Variants in CUX1 observed in about 807,000 individuals in gnomAD.
The protein encoded by CUX1 is protein CASP.
In CUX1, 31 loss-of-function variants were observed where a neutral mutation model predicts 158.8. That is an observed-to-expected ratio of 0.20 (90% CI 0.15 to 0.26). The LOEUF is 0.26. Among genes scored for constraint, CUX1 ranks in the 10% least tolerant of loss-of-function variants. CUX1 has a pLI of 1.00. For missense variants in CUX1, 1,589 were observed against 2,014.6 expected (o/e 0.79, Z 4.04); for synonymous variants, 879 against 862.1 (o/e 1.02, Z -0.34).
At chr7:102,268,940 C>CT (rs34870289) in intron 14 of CUX1, among the ~76,000 whole-genome samples, 12,500 of 143,196 alleles carry the variant, frequency 0.087, 1,110 homozygotes, top group African/African-American at 0.22. Context: ...GGATTAATTA[C>CT]TTTTTTTTTT....
chr7:102,053,691 T>C (rs957382694), intron 3 of CUX1, among the ~76,000 whole-genome samples: 4 of 152,114 alleles, frequency 2.6e-5, no homozygotes, highest in African/African-American at 9.7e-5. Context: ...GAATATGAGA[T>C]GTTTGTCTTT....
intron 1 of CUX1, among the ~76,000 whole-genome samples, chr7:101,878,818 G>A (rs1488295109): frequency 2.6e-5 from 4 of 151,700 alleles, no homozygotes; most frequent in African/African-American, 4.8e-5. Context: ...GATTACAGGC[G>A]CGCACCACCA....
intron 3 of CUX1, among the ~76,000 whole-genome samples, chr7:102,034,275 C>A (rs149788379): frequency 6.6e-6 from 1 of 150,436 alleles, no homozygotes; most frequent in Admixed American, 6.7e-5. Context: ...TTAAAATGTT[C>A]AAAACTTATT....
rs547506149 is a variant in CUX1, at chr7:102,215,229, CT to C, written c.3130+10088del. On this transcript the variant is annotated intron_variant, in intron 20 of 23. Transcript: ENST00000292535. ...AAGAGCATGGCAATGGTTACTCCAA[CT>C]TTTTTTTTTTTTTTTTTTTTTTTTT... 2.7e-3 allele frequency among the ~76,000 whole-genome samples: 251 copies of C among 92,756 alleles called. 1 individual carries two copies. The highest frequency in any genetic ancestry group is 0.01 in the African/African-American group (243 of 23,428). The allele number at this position is 92,756 out of a possible 152,430, so 60.9% of individuals were successfully genotyped here.
At chr7:102,029,620 C>A (rs1820472547) in intron 3 of CUX1, among the ~76,000 whole-genome samples, 1 of 152,176 alleles carries the variant, frequency 6.6e-6, no homozygotes. Context: ...GAAGACACAG[C>A]AGTTGGTGAT....
intron 2 of CUX1, among the ~76,000 whole-genome samples, chr7:101,982,508 C>A (rs2129218681): frequency 6.6e-6 from 1 of 152,208 alleles, no homozygotes; most frequent in East Asian, 1.9e-4. Context: ...CTTACTGCAA[C>A]CTCTGCCTCC....
At chr7:101,972,873 G>A (rs1812145627) in intron 2 of CUX1, among the ~76,000 whole-genome samples, 1 of 152,182 alleles carries the variant, frequency 6.6e-6, no homozygotes, top group Non-Finnish European at 1.5e-5. Flanking sequence ...GTTGCACCCT[G>A]ATGCCTGTGA....
At chr7:102,110,162 T>C (rs782303099) in intron 6 of CUX1, among the ~76,000 whole-genome samples, 10 of 152,222 alleles carry the variant, frequency 6.6e-5, no homozygotes, top group Non-Finnish European at 1.2e-4. Context: ...CTATTTCATA[T>C]TCATATTACA....
rs1359736127 is a variant in CUX1 at position 101,979,748 on chromosome 7, C to T, written c.142-48350C>T. Among the ~76,000 whole-genome samples the T allele has an allele frequency of 3.3e-5, 5 of 152,118 alleles. No individual in the cohort carries two copies. The East Asian group carries it at 5.8e-4, about 18-fold the overall frequency. ...CACTGCAACCTCCACCTCCTGAGTT[C>T]AAGCAATTCTCATGCCTCAGCCTCC... On this transcript the variant is annotated intron_variant, in intron 2 of 23. Transcript: ENST00000292535.
chr7:102,065,540 GA>G (rs1354861908), intron 3 of CUX1, among the ~76,000 whole-genome samples: 2 of 152,198 alleles, frequency 1.3e-5, no homozygotes, highest in South Asian at 4.1e-4. Context: ...TTATCATTTA[GA>G]AAAGGATCTT....
exon 17 of CUX1, chr7:102,275,346 A>G (rs1563527399): frequency 6.2e-7 from 1 of 1,612,698 alleles, no homozygotes; most frequent in Non-Finnish European, 8.5e-7. Context: ...GCCCGGAACC[A>G]GGAGCTTGAG....
chr7:102,079,915 A>C (rs1827171752), intron 4 of CUX1, among the ~76,000 whole-genome samples: 1 of 152,106 alleles, frequency 6.6e-6, no homozygotes, highest in African/African-American at 2.4e-5. Context: ...TGTCCCAGTT[A>C]CACTCAGGCT....
chr7:102,127,229 T>C (rs2051170119), intron 8 of CUX1, among the ~76,000 whole-genome samples: 3 of 152,184 alleles, frequency 2.0e-5, no homozygotes, highest in Admixed American at 2.0e-4. Context: ...TTTTACGAGA[T>C]AGGGTCTCAC....
At chr7:102,246,349 G>C (rs1240431395) in intron 23 of CUX1, among the ~76,000 whole-genome samples, 2 of 152,110 alleles carry the variant, frequency 1.3e-5, no homozygotes, top group Non-Finnish European at 2.9e-5. Flanking sequence ...AACTTCTGGG[G>C]GGCTTCTCAG....
intron 9 of CUX1, among the ~76,000 whole-genome samples, chr7:102,161,900 G>A (rs538788095): frequency 3.9e-5 from 6 of 152,210 alleles, no homozygotes; most frequent in East Asian, 3.9e-4. Flanking sequence ...GAGCCACCGC[G>A]CCCAGCCGGA....
chr7:101,964,552 A>G (rs1043896636), intron 2 of CUX1, among the ~76,000 whole-genome samples: 2 of 152,100 alleles, frequency 1.3e-5, no homozygotes, highest in Non-Finnish European at 2.9e-5. Context: ...CAAGTTTCTC[A>G]TTCTTTTTTG....
At chr7:102,154,781 CAGAAT>C (rs1836084806) in intron 8 of CUX1, among the ~76,000 whole-genome samples, 1 of 152,110 alleles carries the variant, frequency 6.6e-6, no homozygotes. Flanking sequence ...TAGTCTCAAA[CAGAAT>C]AGAAGTATTC....
intron 4 of CUX1, among the ~76,000 whole-genome samples, chr7:102,082,424 G>A (rs1827522155): frequency 6.8e-6 from 1 of 146,812 alleles, no homozygotes; most frequent in Admixed American, 6.9e-5. Flanking sequence ...TACTCAGGAG[G>A]CTGACGCAGG....
In CUX1 at chr7:102,104,402, A is replaced by G; in HGVS notation, c.473A>G (p.Glu158Gly). Residue 158 changes from glutamate (E) to glycine (G), a missense_variant, in exon 6 of 24, where the codon GAA (glutamate) becomes GGA (glycine). Glu to Gly is a moderately conservative substitution (Grantham distance 98, BLOSUM62 -2). Around this residue, in one of 8 missense-constraint regions of CUX1, gnomAD observed 515 missense variants for 574.4 expected, o/e 0.90. Coordinates refer to ENST00000292535, the MANE Select transcript of CUX1 (RefSeq NM_181552.4). The stretch of plus-strand genomic sequence containing the variant: ...GAACAGACACTGAAGAACCAAGCCG[A>G]AACCATAGCTCTTGAGAAGGAACAG... ...EYEQTLKNQAETIALEKEQKL... is the reference protein window; with the variant it reads ...EYEQTLKNQAGTIALEKEQKL... The G allele has an allele frequency of 1.9e-6, 3 of 1,613,182 alleles. No homozygotes were observed. In the South Asian group the frequency reaches 3.3e-5, roughly 18 times the overall value.
Sources: allele counts gnomAD v4.1 joint callset (sites outside exome capture counted in the v4.1 genomes callset), GRCh38; gene constraint gnomAD v4.1.1; regional missense constraint gnomAD v4.1.1; transcripts MANE v1.5; gene names NCBI Gene and HGNC (gene_info 2026-07-23, HGNC 2026-07-21).